Variants in POU6F2 observed in about 807,000 individuals in gnomAD.
The protein encoded by POU6F2 is POU class 6 homeobox 2, also known as POU domain, class 6, transcription factor 2.
Under a neutral mutation model 71.3 loss-of-function variants are expected in POU6F2, and 31 were observed. That is an observed-to-expected ratio of 0.43 (90% CI 0.33 to 0.59). The LOEUF (loss-of-function observed/expected upper bound fraction) is 0.59. POU6F2 is among the 20% of genes least tolerant of loss of function. POU6F2 has a pLI of 0.04. For synonymous variants in POU6F2, 347 were observed against 355.7 expected (o/e 0.98, Z 0.27); for missense variants, 783 against 856.8 (o/e 0.91, Z 1.07).
rs183440068 is a variant in POU6F2, at chr7:39,344,253, G to A, written c.972+4238G>A. On this transcript the variant is annotated intron_variant, in intron 5 of 9. Coordinates refer to ENST00000518318, the MANE Select transcript of POU6F2 (RefSeq NM_001370959.1). Reference sequence around the variant, plus strand: ...GAATTGGACAGTGAAAACTATCTGTGCTTATATGAGGAATGAGGGGCACGG... The same window carrying A: ...GAATTGGACAGTGAAAACTATCTGTACTTATATGAGGAATGAGGGGCACGG... Among the ~76,000 whole-genome samples the A allele has an allele frequency of 3.9e-5, 6 of 152,248 alleles. 1 individual carries two copies. In the East Asian group the frequency reaches 1.2e-3, roughly 29 times the overall value.
At chr7:39,459,258 G>A (rs1346243928) in intron 8 of POU6F2, among the ~76,000 whole-genome samples, 1 of 152,172 alleles carries the variant, frequency 6.6e-6, no homozygotes, top group African/African-American at 2.4e-5. Context: ...TTGTTTTAAT[G>A]TGAAGATAAA....
chr7:39,264,539 T>C (rs185867743), intron 4 of POU6F2, among the ~76,000 whole-genome samples: 162 of 152,304 alleles, frequency 1.1e-3, no homozygotes, highest in African/African-American at 3.7e-3. Context: ...TCTATAATTC[T>C]GCCAAACCTG....
chr7:39,422,134 A>G (rs1787863673), intron 6 of POU6F2, among the ~76,000 whole-genome samples: 2 of 152,246 alleles, frequency 1.3e-5, no homozygotes, highest in East Asian at 1.9e-4. Flanking sequence ...CACTGGGGAA[A>G]AAAGGAAAGA....
intron 4 of POU6F2, among the ~76,000 whole-genome samples, chr7:39,247,457 A>G (rs1245359243): frequency 6.6e-6 from 1 of 151,376 alleles, no homozygotes; most frequent in Non-Finnish European, 1.5e-5. Context: ...TCTCAAAGAA[A>G]AAAGAAAGAA....
At chr7:39,023,265 G>T (rs859530) in intron 1 of POU6F2, among the ~76,000 whole-genome samples, 130,435 of 152,046 alleles carry the variant, frequency 0.86, 56,738 homozygotes, top group East Asian at 0.95. Context: ...TGTGGATATT[G>T]TTTGCCAGTC....
At chr7:39,411,747 A>G (rs972964349) in intron 6 of POU6F2, among the ~76,000 whole-genome samples, 1 of 152,148 alleles carries the variant, frequency 6.6e-6, no homozygotes, top group Non-Finnish European at 1.5e-5. Flanking sequence ...AAGCAATCAA[A>G]TGGTTCTAAC....
intron 1 of POU6F2, among the ~76,000 whole-genome samples, chr7:39,069,275 G>A (rs1790824988): frequency 6.6e-6 from 1 of 152,200 alleles, no homozygotes; most frequent in Non-Finnish European, 1.5e-5. Context: ...TTTTTATCAT[G>A]TGAGACTAGG....
In POU6F2 at chr7:39,375,276, G is replaced by A. The variant is rs139182536; in HGVS notation, c.973-31324G>A. Among the ~76,000 whole-genome samples, 474 of 152,252 alleles carry A rather than the reference G, an allele frequency of 3.1e-3. 3 individuals are homozygous for A. The highest frequency in any genetic ancestry group is 0.011 in the African/African-American group (457 of 41,550). Reference sequence around the variant, plus strand: ...ACCACAAGTGTATTGAGAAACGACAGTAATGCACTTTAAACCTTTTGTTAT... The same window carrying A: ...ACCACAAGTGTATTGAGAAACGACAATAATGCACTTTAAACCTTTTGTTAT... On this transcript the variant is annotated intron_variant, in intron 5 of 9. Transcript: ENST00000518318.
intron 1 of POU6F2, among the ~76,000 whole-genome samples, chr7:39,016,347 T>A (rs1789548229): frequency 6.6e-6 from 1 of 151,280 alleles, no homozygotes; most frequent in African/African-American, 2.4e-5. Flanking sequence ...GATATAGTAA[T>A]TCCAATTCAT....
At chr7:39,072,078 A>C (rs543888687) in intron 1 of POU6F2, among the ~76,000 whole-genome samples, 1 of 152,108 alleles carries the variant, frequency 6.6e-6, no homozygotes, top group Non-Finnish European at 1.5e-5. Flanking sequence ...AGGTAGATAC[A>C]TGGGCCCTTG....
At chr7:38,983,894 C>T (rs1160414298) in intron 1 of POU6F2, among the ~76,000 whole-genome samples, 1 of 152,048 alleles carries the variant, frequency 6.6e-6, no homozygotes, top group East Asian at 1.9e-4. Context: ...TTTTAAAACA[C>T]TTGTTTTTCA....
intron 4 of POU6F2, among the ~76,000 whole-genome samples, chr7:39,335,638 T>C (rs1457591590): frequency 1.3e-5 from 2 of 152,260 alleles, no homozygotes; most frequent in African/African-American, 2.4e-5. Flanking sequence ...CTGAGTTCTA[T>C]ATGTATAACA....
At chr7:39,229,819 T>C (rs1794540668) in intron 4 of POU6F2, among the ~76,000 whole-genome samples, 1 of 152,230 alleles carries the variant, frequency 6.6e-6, no homozygotes, top group South Asian at 2.1e-4. Flanking sequence ...GACATTGGGA[T>C]TGGGAGACAA....
chr7:39,024,747 C>A (rs1789761208), intron 1 of POU6F2, among the ~76,000 whole-genome samples: 1 of 152,128 alleles, frequency 6.6e-6, no homozygotes. Flanking sequence ...GCATTTTCTG[C>A]ATCTATTGAG....
chr7:39,406,748 G>A lies in POU6F2; in HGVS notation c.1113+8G>A, dbSNP rs750054426. On this transcript the variant is annotated splice_region_variant and intron_variant, in intron 6 of 9. Transcript: ENST00000518318. Reference sequence around the variant, plus strand: ...ACTAATGCACAAGGACAGGTGAGTGGGAGATGGGAACAAGAGTGCATTTTT... The same window carrying A: ...ACTAATGCACAAGGACAGGTGAGTGAGAGATGGGAACAAGAGTGCATTTTT... 6.2e-7 allele frequency: 1 copy of A among 1,612,944 alleles called. No individual in the cohort carries two copies. The highest frequency in any genetic ancestry group is 1.3e-5 in the African/African-American group (1 of 74,920).
At chr7:39,163,929 G>A (rs560108140) in intron 2 of POU6F2, among the ~76,000 whole-genome samples, 34 of 152,300 alleles carry the variant, frequency 2.2e-4, no homozygotes, top group African/African-American at 8.2e-4. Flanking sequence ...ACCAGAGGCT[G>A]GGAGAGGGAT....
intron 3 of POU6F2, among the ~76,000 whole-genome samples, chr7:39,206,339 C>T (rs758562526): frequency 1.3e-5 from 2 of 152,214 alleles, no homozygotes; most frequent in Non-Finnish European, 2.9e-5. Context: ...GCACTCAAAA[C>T]ATGCCGAGCA....
intron 2 of POU6F2, among the ~76,000 whole-genome samples, chr7:39,192,212 T>G (rs1793683921): frequency 6.6e-6 from 1 of 152,244 alleles, no homozygotes. Flanking sequence ...ATTTCCTTCC[T>G]GTCCTTTACT....
intron 2 of POU6F2, among the ~76,000 whole-genome samples, chr7:39,143,973 A>C (rs1364690812): frequency 6.6e-6 from 1 of 152,218 alleles, no homozygotes; most frequent in Non-Finnish European, 1.5e-5. Flanking sequence ...AAGTCTAAAG[A>C]GGAGGATCAC....
Sources: allele counts gnomAD v4.1 joint callset (sites outside exome capture counted in the v4.1 genomes callset), GRCh38; gene constraint gnomAD v4.1.1; transcripts MANE v1.5; gene names NCBI Gene and HGNC (gene_info 2026-07-23, HGNC 2026-07-21).